CDKL4: variants seen among roughly 807,000 people sequenced by gnomAD.
CDKL4 encodes the protein cyclin-dependent kinase-like 4.
In CDKL4, 44 loss-of-function variants were observed where a neutral mutation model predicts 42.0. The observed-to-expected ratio is 1.05, with a 90% CI of 0.82 to 1.35. The LOEUF (loss-of-function observed/expected upper bound fraction) is 1.35. Ranked by LOEUF, CDKL4 falls within the 40% of genes most tolerant of loss-of-function variation. CDKL4 has a pLI of 0.00. For synonymous variants in CDKL4, 120 were observed against 121.6 expected (o/e 0.99, Z 0.09); for missense variants, 393 against 369.9 (o/e 1.06, Z -0.51).
chr2:39,238,637 T>C (rs1418708844), intron 1 of CDKL4, among the ~76,000 whole-genome samples: 1 of 152,206 alleles, frequency 6.6e-6, no homozygotes, highest in Non-Finnish European at 1.5e-5. Flanking sequence ...ACTATAAAGT[T>C]ATGGTAAATC....
At chr2:39,172,998 A>G (rs1675043107), downstream of CDKL4, among the ~76,000 whole-genome samples, 1 of 152,192 alleles carries the variant, frequency 6.6e-6, no homozygotes, top group Non-Finnish European at 1.5e-5. Context: ...GAGGAAAAAA[A>G]AGAGAAATGC....
intron 1 of CDKL4, among the ~76,000 whole-genome samples, chr2:39,236,631 CA>C (rs1679389881): frequency 6.6e-6 from 1 of 151,840 alleles, no homozygotes; most frequent in African/African-American, 2.4e-5. Context: ...AAACAATAAA[CA>C]AAAACTGGTT....
chr2:39,229,687 C>T, intron 1 of CDKL4, 99 bp from the exon 2 acceptor site: 2 of 486,830 alleles, frequency 4.1e-6, no homozygotes, highest in Non-Finnish European at 3.5e-6. Context: ...GGTTTATATT[C>T]ATCAATTAAT....
At chr2:39,200,878 T>C (rs1264817312) in intron 5 of CDKL4, among the ~76,000 whole-genome samples, 1 of 152,070 alleles carries the variant, frequency 6.6e-6, no homozygotes, top group Non-Finnish European at 1.5e-5. Flanking sequence ...CCTGAAACCA[T>C]AAAAATTCTA....
chr2:39,186,314 G>A (rs1476192269), intron 7 of CDKL4, among the ~76,000 whole-genome samples: 3 of 152,134 alleles, frequency 2.0e-5, no homozygotes, highest in Admixed American at 6.5e-5. Context: ...GGGACCATTT[G>A]GACCTCAGGT....
At chr2:39,219,786 T>G (rs146110653) in intron 3 of CDKL4, among the ~76,000 whole-genome samples, 50 of 152,248 alleles carry the variant, frequency 3.3e-4, no homozygotes, top group Non-Finnish European at 5.9e-4. Context: ...AGGCAAGGCT[T>G]TGGTGAACTA....
intron 1 of CDKL4, among the ~76,000 whole-genome samples, chr2:39,240,005 G>C (rs906086590): frequency 6.6e-6 from 1 of 152,046 alleles, no homozygotes; most frequent in Non-Finnish European, 1.5e-5. Context: ...CAGGAGAATT[G>C]CTTGAACCTG....
downstream of CDKL4, among the ~76,000 whole-genome samples, chr2:39,175,444 G>C (rs1209782578): frequency 6.6e-6 from 1 of 152,182 alleles, no homozygotes; most frequent in Non-Finnish European, 1.5e-5. Flanking sequence ...GACAGACAAA[G>C]GAGAGCCTGC....
At chr2:39,169,848 G>C in the CDKL4 span, among the ~76,000 whole-genome samples, 310 of 151,938 alleles carry the variant, frequency 2.0e-3, 1 homozygote, top group Non-Finnish European at 3.0e-3. Flanking sequence ...ACCCAGGCTG[G>C]AGTGCAGTGG....
chr2:39,191,978 G>A (rs1413954553), intron 5 of CDKL4, among the ~76,000 whole-genome samples: 2 of 152,182 alleles, frequency 1.3e-5, no homozygotes, highest in Non-Finnish European at 2.9e-5. Flanking sequence ...AGAAAGTAGC[G>A]GCTACAGCTC....
At chr2:39,195,541 G>C (rs1293887105) in intron 5 of CDKL4, among the ~76,000 whole-genome samples, 2 of 151,862 alleles carry the variant, frequency 1.3e-5, no homozygotes, top group Non-Finnish European at 2.9e-5. Flanking sequence ...CTGTGGTTTT[G>C]ATTTGCATAT....
intron 4 of CDKL4, among the ~76,000 whole-genome samples, chr2:39,206,914 G>A (rs556956558): frequency 1.4e-4 from 22 of 152,242 alleles, no homozygotes; most frequent in South Asian, 6.2e-4. Context: ...AGCTATCTAG[G>A]AAGAGAAAAA....
At chr2:39,206,917 G>C (rs1677235715) in intron 4 of CDKL4, among the ~76,000 whole-genome samples, 1 of 152,176 alleles carries the variant, frequency 6.6e-6, no homozygotes, top group Admixed American at 6.5e-5. Context: ...TATCTAGGAA[G>C]AGAAAAAGAG....
At chr2:39,190,279 C>G in intron 6 of CDKL4, 26 bp downstream of exon 6, 1 of 1,559,860 alleles carries the variant, frequency 6.4e-7, no homozygotes. Context: ...TTCAGCAACT[C>G]TGTTGCCATA....
chr2:39,226,506 CT>C (rs1314777249), intron 2 of CDKL4, among the ~76,000 whole-genome samples: 10 of 63,436 alleles, frequency 1.6e-4, no homozygotes, highest in African/African-American at 3.2e-4. Context: ...CAGCATTGTT[CT>C]TTGATTCTGT....
At chr2:39,239,054 A>G (rs1045795326) in intron 1 of CDKL4, among the ~76,000 whole-genome samples, 3 of 152,218 alleles carry the variant, frequency 2.0e-5, no homozygotes, top group Admixed American at 2.0e-4. Context: ...GCCTGGCCCA[A>G]CTGACTTTTG....
intron 6 of CDKL4, among the ~76,000 whole-genome samples, 199 bp downstream of exon 6, chr2:39,190,106 G>A (rs1363411820): frequency 1.3e-5 from 2 of 152,212 alleles, no homozygotes; most frequent in Non-Finnish European, 1.5e-5. Context: ...AGCTCCCTGA[G>A]AGGAGTTACG....
exon 3 of CDKL4, chr2:39,225,894 C>G (rs760193087): frequency 6.2e-7 from 1 of 1,611,820 alleles, no homozygotes; most frequent in Non-Finnish European, 8.5e-7. Flanking sequence ...TATTCAAAAA[C>G]TAAATGCATT....
At chr2:39,238,489 A>G (rs1679483844) in intron 1 of CDKL4, among the ~76,000 whole-genome samples, 1 of 152,208 alleles carries the variant, frequency 6.6e-6, no homozygotes, top group African/African-American at 2.4e-5. Context: ...AAATTCCAAC[A>G]GGCTTTATTT....
Sources: allele counts gnomAD v4.1 joint callset (sites outside exome capture counted in the v4.1 genomes callset), GRCh38; gene constraint gnomAD v4.1.1; transcripts MANE v1.5; gene names NCBI Gene and HGNC (gene_info 2026-07-23, HGNC 2026-07-21).